THADA: variants seen among roughly 807,000 people sequenced by gnomAD.
THADA encodes tRNA (32-2'-O)-methyltransferase regulator THADA.
THADA carries 213 observed loss-of-function variants against 219.8 expected under a neutral mutation model. The observed-to-expected ratio is 0.97, with a 90% CI of 0.87 to 1.09. The LOEUF (loss-of-function observed/expected upper bound fraction) is 1.09. Ranked by LOEUF, THADA falls within the 50% of genes least tolerant of loss-of-function variation. THADA has a pLI of 0.00. For missense variants in THADA, 2,956 were observed against 2,311.3 expected (o/e 1.28, Z -5.72); for synonymous variants, 1,018 against 828.9 (o/e 1.23, Z -3.92).
At chr2:43,362,722 G>A (rs1456010067) in intron 29 of THADA, among the ~76,000 whole-genome samples, 1 of 151,982 alleles carries the variant, frequency 6.6e-6, no homozygotes, top group African/African-American at 2.4e-5. Context: ...ATTAACCTTA[G>A]TTTGCTCTAA....
Position 43,426,600 on chromosome 2 carries a change from A to T in THADA, c.4058+1500T>A, listed in dbSNP as rs151161642. On this transcript the variant is annotated intron_variant, in intron 28 of 37. Coordinates refer to ENST00000405975, the MANE Select transcript of THADA (RefSeq NM_022065.5). Reference sequence around the variant, plus strand: ...CAGGAAACAAAAACCAGTCTGCCTGAGTCATCTCTGTGATCAAAGATAACA... The same window carrying T: ...CAGGAAACAAAAACCAGTCTGCCTGTGTCATCTCTGTGATCAAAGATAACA... 5.3e-3 allele frequency among the ~76,000 whole-genome samples: 802 copies of T among 152,346 alleles called. 6 individuals carry two copies. The highest frequency in any genetic ancestry group is 0.018 in the African/African-American group (752 of 41,576).
chr2:43,325,463 G>T (rs1489954866), intron 30 of THADA, among the ~76,000 whole-genome samples: 2 of 152,094 alleles, frequency 1.3e-5, no homozygotes, highest in African/African-American at 2.4e-5. Flanking sequence ...GTCCTGAATA[G>T]TGTTTTTCCA....
At chr2:43,329,925 C>G (rs893324707) in intron 30 of THADA, among the ~76,000 whole-genome samples, 3 of 152,232 alleles carry the variant, frequency 2.0e-5, no homozygotes, top group African/African-American at 4.8e-5. Flanking sequence ...CCCGTATCTT[C>G]TTAGCACTTT....
At chr2:43,430,553 T>A in intron 26 of THADA, 1 of 498,436 alleles carries the variant, frequency 2.0e-6, no homozygotes, top group Non-Finnish European at 3.8e-6. Flanking sequence ...ATATTTGATA[T>A]TAAATTTTAT....
chr2:43,438,317 A>C (rs1365774520), intron 26 of THADA, among the ~76,000 whole-genome samples: 1 of 151,564 alleles, frequency 6.6e-6, no homozygotes, highest in Non-Finnish European at 1.5e-5. Context: ...AAAAAAAAAA[A>C]ACCCAAACTA....
chr2:43,293,340 C>T, intron 31 of THADA, 127 bp from the exon 32 acceptor site: 4 of 1,074,192 alleles, frequency 3.7e-6, no homozygotes, highest in Non-Finnish European at 5.2e-6. Flanking sequence ...AGATTTCAAA[C>T]ACTGTCATAA....
chr2:43,458,712 A>G (rs1397496659), intron 26 of THADA, among the ~76,000 whole-genome samples: 2 of 152,150 alleles, frequency 1.3e-5, no homozygotes, highest in African/African-American at 2.4e-5. Flanking sequence ...AAAACAACCA[A>G]AACAACAACA....
At chr2:43,405,016 G>A (rs1029584164) in intron 28 of THADA, among the ~76,000 whole-genome samples, 5 of 152,172 alleles carry the variant, frequency 3.3e-5, no homozygotes, top group Non-Finnish European at 7.4e-5. Context: ...AACTGGCTGA[G>A]GAAACAGAGC....
chr2:43,284,197 G>A (rs904581047), intron 35 of THADA, among the ~76,000 whole-genome samples: 4 of 152,096 alleles, frequency 2.6e-5, no homozygotes, highest in African/African-American at 7.2e-5. Flanking sequence ...AAGAGAAACC[G>A]AATGTTAACA....
At chr2:43,332,130 G>A (rs886590618) in intron 30 of THADA, among the ~76,000 whole-genome samples, 4 of 152,128 alleles carry the variant, frequency 2.6e-5, no homozygotes, top group South Asian at 2.1e-4. Context: ...CTGTCACCCA[G>A]GCCGGAGTGC....
chr2:43,446,652 T>A (rs754684348), intron 26 of THADA, among the ~76,000 whole-genome samples: 2 of 152,200 alleles, frequency 1.3e-5, no homozygotes, highest in Non-Finnish European at 2.9e-5. Flanking sequence ...TTGTGAGAAA[T>A]GATAAATTGT....
chr2:43,309,802 C>T (rs1007761667), intron 31 of THADA, among the ~76,000 whole-genome samples: 1 of 152,002 alleles, frequency 6.6e-6, no homozygotes, highest in Admixed American at 6.5e-5. Context: ...CTAGCCAGAG[C>T]AATTAGTCAA....
intron 20 of THADA, among the ~76,000 whole-genome samples, chr2:43,545,712 TG>T (rs1210501357): frequency 1.6e-4 from 24 of 151,994 alleles, no homozygotes; most frequent in Middle Eastern, 3.4e-3. Context: ...GTGGGATCGG[TG>T]GTGATATCCC....
At chr2:43,417,625 G>A (rs1448171087) in intron 28 of THADA, among the ~76,000 whole-genome samples, 1 of 152,188 alleles carries the variant, frequency 6.6e-6, no homozygotes, top group African/African-American at 2.4e-5. Context: ...ATGTTTGTTA[G>A]GTAAAGCTGC....
chr2:43,241,568 A>G (rs73923543), intron 36 of THADA, among the ~76,000 whole-genome samples: 17,191 of 148,506 alleles, frequency 0.12, 1,412 homozygotes, highest in African/African-American at 0.23. Flanking sequence ...CAAAGGGACT[A>G]TTTAGTACAG....
At chr2:43,529,204 G>C (rs1360958299) in intron 21 of THADA, among the ~76,000 whole-genome samples, 2 of 151,920 alleles carry the variant, frequency 1.3e-5, no homozygotes. Context: ...CCAGGCTGGA[G>C]TGCAGTGGCA....
intron 22 of THADA, among the ~76,000 whole-genome samples, chr2:43,525,996 T>C (rs1693120600): frequency 6.6e-6 from 1 of 152,206 alleles, no homozygotes; most frequent in Non-Finnish European, 1.5e-5. Flanking sequence ...TGCTTTTACA[T>C]GCCAACCCCA....
chr2:43,595,538 G>T (rs529037441), intron 1 of THADA: 2 of 152,446 alleles, frequency 1.3e-5, no homozygotes, highest in Non-Finnish European at 2.9e-5. Context: ...CTCAAATGAT[G>T]CCTAAACGTG....
At chr2:43,315,862 CT>C (rs1012768362) in intron 31 of THADA, among the ~76,000 whole-genome samples, 3 of 152,204 alleles carry the variant, frequency 2.0e-5, no homozygotes, top group African/African-American at 7.2e-5. Flanking sequence ...GTCACATTGT[CT>C]TAAAAACCAC....
Sources: gnomAD v4.1 joint callset for allele counts (sites outside exome capture counted in the v4.1 genomes callset) on GRCh38, gnomAD v4.1.1 for gene constraint, MANE v1.5 for transcripts, NCBI Gene and HGNC (gene_info 2026-07-23, HGNC 2026-07-21) for gene names.